The following C2CD2 variants were observed in gnomAD, a reference collection of about 807,000 sequenced individuals.
The protein encoded by C2CD2 is C2 calcium dependent domain containing 2.
Under a neutral mutation model 74.3 loss-of-function variants are expected in C2CD2, and 43 were observed. That is an observed-to-expected ratio of 0.58 (90% CI 0.45 to 0.75). The LOEUF (loss-of-function observed/expected upper bound fraction) is 0.75. Among genes scored for constraint, C2CD2 ranks in the 30% least tolerant of loss-of-function variants. The pLI is 0.00. For synonymous variants in C2CD2, 422 were observed against 390.7 expected (o/e 1.08, Z -0.94); for missense variants, 801 against 916.3 (o/e 0.87, Z 1.63).
At chr21:41,890,701 T>C (rs945997859) in intron 13 of C2CD2, among the ~76,000 whole-genome samples, 5 of 152,204 alleles carry the variant, frequency 3.3e-5, no homozygotes, top group Admixed American at 6.5e-5. Flanking sequence ...CATATGCAAA[T>C]CGCCACCCAT....
In C2CD2 at chr21:41,889,325, A is replaced by G; in HGVS notation, c.1890T>C (p.Gly630=). ...KKHKGGILRK[G]AKLFFRRRHQ... is the part of the protein sequence containing the mutation. Reference sequence around the variant, plus strand: ...GCCGCCGGCGGAAGAACAGCTTTGCACCTTTCCTTAGAATTCCTCCTGGAA... The same window carrying G: ...GCCGCCGGCGGAAGAACAGCTTTGCGCCTTTCCTTAGAATTCCTCCTGGAA... The change falls in exon 14 of 14, where the codon GGT becomes GGC. Residue 630 remains glycine, a synonymous_variant. Transcript: ENST00000380486. 1 of 1,613,744 alleles carries G rather than the reference A, an allele frequency of 6.2e-7. No individual in the cohort carries two copies. Among genetic ancestry groups the G allele is most frequent in the Non-Finnish European group, 8.5e-7 (1 of 1,179,828 alleles).
rs778877613 is a variant in C2CD2 at position 41,887,892 on chromosome 21, G to A, written c.*1232C>T. 6.6e-6 allele frequency: 1 copy of A among 152,232 alleles called. No individual in the cohort carries two copies. Among genetic ancestry groups the A allele is most frequent in the Admixed American group, 6.5e-5 (1 of 15,282 alleles). The allele number at this position is 152,232 out of a possible 1,614,324, so 9.4% of individuals were successfully genotyped here. ...CTGCTCTTTGACCAGCATGTCTACT[G>A]GAAGTGGCACATTCAGAAGTGAGAT... On this transcript the variant is annotated 3_prime_UTR_variant, in exon 14 of 14. Transcript: ENST00000380486.
intron 2 of C2CD2, among the ~76,000 whole-genome samples, chr21:41,937,204 G>A (rs1201847779): frequency 2.7e-5 from 4 of 149,134 alleles, no homozygotes; most frequent in African/African-American, 5.0e-5. Context: ...TGCAACCTCC[G>A]CCTCCCAGGT....
chr21:41,914,786 C>T (rs906991497), intron 5 of C2CD2, 65 bp from the exon 6 acceptor site: 31 of 1,488,558 alleles, frequency 2.1e-5, no homozygotes, highest in African/African-American at 9.8e-5. Context: ...AGGAAGTAGC[C>T]ACTGGACTCC....
chr21:41,917,642 C>T (rs980975847), intron 5 of C2CD2, among the ~76,000 whole-genome samples: 7 of 152,166 alleles, frequency 4.6e-5, no homozygotes, highest in African/African-American at 1.2e-4. Flanking sequence ...AAAAGGGGGT[C>T]GCACAGATGA....
chr21:41,952,440 C>T, intron 1 of C2CD2, among the ~76,000 whole-genome samples: 1 of 152,346 alleles, frequency 6.6e-6, no homozygotes, highest in African/African-American at 2.4e-5. Flanking sequence ...GACCACTGAG[C>T]TGCACAGGCA....
Position 41,905,793 on chromosome 21 carries a change from C to T in C2CD2, c.1363G>A (p.Asp455Asn), listed in dbSNP as rs2064954612. The T allele has an allele frequency of 3.1e-6, 5 of 1,611,612 alleles. No individual in the cohort carries two copies. Among genetic ancestry groups the T allele is most frequent in the African/African-American group, 1.3e-5 (1 of 74,972 alleles). Reference protein sequence around the residue: ...TPIKVKVIEKDISVQAIACRS... With the variant: ...TPIKVKVIEKNISVQAIACRS... ...CAGGCGATGGCCTGGACAGAGATGTCCTTCTCGATCACCTTCACCTTGATG... is the reference window on the plus strand; with the variant it reads ...CAGGCGATGGCCTGGACAGAGATGTTCTTCTCGATCACCTTCACCTTGATG... The change falls in exon 11 of 14, where the codon GAC (aspartate) becomes AAC (asparagine). Residue 455 changes from aspartate to asparagine, a missense_variant. Physicochemically the swap from Asp to Asn is conservative, Grantham distance 23. Coordinates refer to ENST00000380486, the MANE Select transcript of C2CD2 (RefSeq NM_015500.2).
intron 2 of C2CD2, among the ~76,000 whole-genome samples, chr21:41,930,157 A>G (rs192230857): frequency 6.7e-6 from 1 of 149,568 alleles, no homozygotes; most frequent in African/African-American, 2.4e-5. Context: ...TCATGGGCAC[A>G]CTCTGGGTTA....
chr21:41,931,891 C>T (rs1205688656), intron 2 of C2CD2, among the ~76,000 whole-genome samples: 2 of 113,376 alleles, frequency 1.8e-5, no homozygotes, highest in Non-Finnish European at 4.0e-5. Flanking sequence ...CTCCAGCATC[C>T]CACCACCCCA....
At position 41,953,442 on chromosome 21, in the gene C2CD2, C is replaced by G. The variant is rs376983266; in HGVS notation, c.207G>C (p.Thr69=). ...GCCACTGGCTCCTCCAGCTGCCCAG[C>G]GTCAGGATCCAGGAGAGCAGCGCGT... ...GSDALLSWIL[T]LGSWRSQWQA... is the part of the protein sequence containing the mutation. The change falls in exon 1 of 14, where the codon ACG becomes ACC. Residue 69 remains threonine (T), a synonymous_variant. Transcript: ENST00000380486. 1 of 1,465,498 alleles carries G rather than the reference C, an allele frequency of 6.8e-7. No homozygotes were observed. The highest frequency in any genetic ancestry group is 9.1e-7 in the Non-Finnish European group (1 of 1,101,894). The allele number at this position is 1,465,498 out of a possible 1,614,324, so 90.8% of individuals were successfully genotyped here.
intron 2 of C2CD2, among the ~76,000 whole-genome samples, chr21:41,935,809 G>A (rs1184733421): frequency 3.3e-5 from 5 of 151,914 alleles, no homozygotes; most frequent in African/African-American, 2.4e-5. Flanking sequence ...CCAAGGTCGC[G>A]CTCCAGCCTG....
rs192281566 is a variant in C2CD2 at position 41,925,354 on chromosome 21, T to G, written c.379-3269A>C. Among the ~76,000 whole-genome samples the G allele has an allele frequency of 3.1e-3, 466 of 151,346 alleles. 1 individual carries two copies. The highest frequency in any genetic ancestry group is 4.5e-3 in the Admixed American group (68 of 15,204). On this transcript the variant is annotated intron_variant, in intron 2 of 13. Coordinates refer to ENST00000380486, the MANE Select transcript of C2CD2 (RefSeq NM_015500.2). ...AAAAAATTAGCCAAGCATGGTGGTG[T>G]GCACCTGTAGTCCCAGCTACTCAGA...
At chr21:41,928,871 G>A (rs1444604062) in intron 2 of C2CD2, among the ~76,000 whole-genome samples, 2 of 152,180 alleles carry the variant, frequency 1.3e-5, no homozygotes, top group African/African-American at 4.8e-5. Context: ...TGGTTTTACA[G>A]ATGCAAAGCG....
At chr21:41,941,816 A>G (rs2065356347) in intron 2 of C2CD2, among the ~76,000 whole-genome samples, 1 of 152,090 alleles carries the variant, frequency 6.6e-6, no homozygotes, top group Non-Finnish European at 1.5e-5. Context: ...GTGTCTCTGC[A>G]GGTTTATCTA....
chr21:41,914,823 T>C (rs963192809), intron 5 of C2CD2, 102 bp from the exon 6 acceptor site: 4 of 1,005,748 alleles, frequency 4.0e-6, no homozygotes, highest in Admixed American at 2.2e-5. Context: ...GGCAGTGGGG[T>C]GTCTACAGGA....
intron 13 of C2CD2, among the ~76,000 whole-genome samples, chr21:41,891,134 T>C (rs56124103): frequency 4.6e-5 from 5 of 108,844 alleles, no homozygotes; most frequent in East Asian, 3.5e-4. Flanking sequence ...ATGAAAAAGG[T>C]GGGTAAGTAG....
At chr21:41,914,425 T>C (rs148667889) in intron 6 of C2CD2, among the ~76,000 whole-genome samples, 173 bp downstream of exon 6, 68 of 152,358 alleles carry the variant, frequency 4.5e-4, no homozygotes, top group South Asian at 4.1e-3. Flanking sequence ...TTGGATTTTT[T>C]ACCATCTCTT....
At chr21:41,906,749 T>C (rs919626117) in intron 10 of C2CD2, among the ~76,000 whole-genome samples, 7 of 152,236 alleles carry the variant, frequency 4.6e-5, no homozygotes, top group Non-Finnish European at 8.8e-5. Flanking sequence ...CTTCAGAATA[T>C]ACCATGGGAA....
intron 5 of C2CD2, among the ~76,000 whole-genome samples, 199 bp from the exon 6 acceptor site, chr21:41,914,920 C>T (rs1427109748): frequency 2.6e-5 from 4 of 152,124 alleles, no homozygotes; most frequent in African/African-American, 9.7e-5. Context: ...TGAGCCATCG[C>T]CATCCTCCTG....
Sources: gnomAD v4.1 joint callset for allele counts (sites outside exome capture counted in the v4.1 genomes callset) on GRCh38, gnomAD v4.1.1 for gene constraint, MANE v1.5 for transcripts, NCBI Gene and HGNC (gene_info 2026-07-23, HGNC 2026-07-21) for gene names.